Variants in SPIN1 observed in about 807,000 individuals in gnomAD.
SPIN1 encodes the protein spindlin 1, also known as spindlin-1.
Under a neutral mutation model 26.0 loss-of-function variants are expected in SPIN1, and 3 were observed. That is an observed-to-expected ratio of 0.12 (90% CI 0.05 to 0.30). The LOEUF is 0.30. Ranked by LOEUF, SPIN1 falls within the 10% of genes least tolerant of loss-of-function variation. The pLI is 1.00. For missense variants in SPIN1, 126 were observed against 333.4 expected, an observed-to-expected ratio of 0.38 and a Z score of 4.84; for synonymous variants, 101 against 116.5, an observed-to-expected ratio of 0.87 and a Z score of 0.86.
chr9:88,432,417 A>G (rs1033417333), intron 2 of SPIN1, among the ~76,000 whole-genome samples: 1 of 150,480 alleles, frequency 6.6e-6, no homozygotes, highest in African/African-American at 2.5e-5. Flanking sequence ...CGAACTCCTG[A>G]CCTCAGGTGA....
intron 3 of SPIN1, among the ~76,000 whole-genome samples, chr9:88,449,300 C>T (rs1036639633): frequency 6.6e-6 from 1 of 152,136 alleles, no homozygotes; most frequent in South Asian, 2.1e-4. Context: ...CCTTGGAATG[C>T]CTGTGTGAGC....
intron 2 of SPIN1, among the ~76,000 whole-genome samples, chr9:88,429,183 AT>A (rs1332000309): frequency 6.6e-6 from 1 of 152,116 alleles, no homozygotes; most frequent in African/African-American, 2.4e-5. Flanking sequence ...CTATTCTCTT[AT>A]GTAATTCAAT....
rs779957215 is a variant in SPIN1, at chr9:88,448,954, A to G, written c.66A>G (p.Val22=). Residue 22 remains valine, a synonymous_variant, in exon 3 of 6, where the codon GTA becomes GTG. Coordinates refer to ENST00000375859, the MANE Select transcript of SPIN1 (RefSeq NM_006717.3). ...RSRADAGHAG[V]SANMMKKRTS... ...TCTCTCTTACAGGCCATGCTGGAGTATCTGCCAACATGATGAAGAAGAGGA... is the reference window on the plus strand; with the variant it reads ...TCTCTCTTACAGGCCATGCTGGAGTGTCTGCCAACATGATGAAGAAGAGGA... 5.0e-6 allele frequency: 8 copies of G among 1,612,982 alleles called. No individual in the cohort carries two copies. The highest frequency in any genetic ancestry group is 2.2e-5 in the East Asian group (1 of 44,844).
rs568489941 is a variant in SPIN1, at chr9:88,460,288, C to T, written c.102-2208C>T. 5.9e-5 allele frequency among the ~76,000 whole-genome samples: 9 copies of T among 152,166 alleles called. No individual in the cohort carries two copies. In the South Asian group the frequency reaches 1.0e-3, roughly 18 times the overall value. On this transcript the variant is annotated intron_variant, in intron 3 of 5. Transcript: ENST00000375859. ...ATCATCCACTTTCCTCACATGCTCC[C>T]GTGGTGTCTGTTTCTTCTCATGTTC... is the stretch of plus-strand genomic sequence containing the variant.
At chr9:88,422,250 T>C (rs1050320271) in intron 1 of SPIN1, among the ~76,000 whole-genome samples, 4 of 152,206 alleles carry the variant, frequency 2.6e-5, no homozygotes, top group Admixed American at 1.3e-4. Context: ...TTTGACAATA[T>C]TTTCCGTAAC....
chr9:88,409,628 G>C (rs915555402), intron 1 of SPIN1, among the ~76,000 whole-genome samples: 1 of 151,800 alleles, frequency 6.6e-6, no homozygotes, highest in Non-Finnish European at 1.5e-5. Flanking sequence ...GAGGTCAGGA[G>C]ATGAAGACTG....
At chr9:88,441,423 G>A (rs931720151) in intron 2 of SPIN1, among the ~76,000 whole-genome samples, 5 of 149,290 alleles carry the variant, frequency 3.3e-5, no homozygotes, top group African/African-American at 7.6e-5. Flanking sequence ...GTGCGCGCGC[G>A]CGCGCCCATG....
At chr9:88,453,772 C>T (rs1205666487) in intron 3 of SPIN1, among the ~76,000 whole-genome samples, 2 of 152,162 alleles carry the variant, frequency 1.3e-5, no homozygotes, top group Non-Finnish European at 1.5e-5. Context: ...GTGATCCATC[C>T]GCCTTGGCCT....
At chr9:88,424,327 A>G (rs933473990) in intron 1 of SPIN1, among the ~76,000 whole-genome samples, 2 of 152,156 alleles carry the variant, frequency 1.3e-5, no homozygotes, top group African/African-American at 2.4e-5. Context: ...TGTTGAATGC[A>G]CACTTGAGAT....
intron 2 of SPIN1, among the ~76,000 whole-genome samples, chr9:88,428,665 G>C (rs1827806338): frequency 6.6e-6 from 1 of 152,094 alleles, no homozygotes; most frequent in Non-Finnish European, 1.5e-5. Flanking sequence ...TAAAGGGTGA[G>C]ATTGTTAATC....
At chr9:88,431,701 A>G (rs1441826322) in intron 2 of SPIN1, among the ~76,000 whole-genome samples, 1 of 152,116 alleles carries the variant, frequency 6.6e-6, no homozygotes, top group Admixed American at 6.6e-5. Context: ...TTTTATGATA[A>G]TGCCTGTTAG....
chr9:88,442,181 A>G (rs750088432), intron 2 of SPIN1, among the ~76,000 whole-genome samples: 40 of 151,996 alleles, frequency 2.6e-4, no homozygotes, highest in Non-Finnish European at 5.1e-4. Context: ...TGTTGGTGAC[A>G]AATTTCATCA....
rs558064394 is a variant in SPIN1 at position 88,421,961 on chromosome 9, A to G, written c.-158-4421A>G. Among the ~76,000 whole-genome samples the G allele has an allele frequency of 5.3e-5, 8 of 152,228 alleles. No homozygotes were observed. In the South Asian group the frequency reaches 1.7e-3, roughly 32 times the overall value. On this transcript the variant is annotated intron_variant, in intron 1 of 5. Transcript: ENST00000375859. ...TAAGTGATATAGTCTGCTTTGCGTCATATCACATTAAGAAGTGAATAAAGC... is the reference window on the plus strand; with the variant it reads ...TAAGTGATATAGTCTGCTTTGCGTCGTATCACATTAAGAAGTGAATAAAGC...
chr9:88,426,613 A>G (rs908555912), intron 2 of SPIN1, 22 bp downstream of exon 2: 5 of 1,587,768 alleles, frequency 3.1e-6, no homozygotes, highest in East Asian at 2.3e-5. Context: ...GGTTCTACAC[A>G]TATTTAAATA....
chr9:88,400,389 A>G (rs935487884), intron 1 of SPIN1, among the ~76,000 whole-genome samples: 1 of 152,232 alleles, frequency 6.6e-6, no homozygotes, highest in African/African-American at 2.4e-5. Context: ...ATGTGGGCTC[A>G]CTAAGCAGAG....
At chr9:88,398,912 T>C (rs1827126658) in intron 1 of SPIN1, among the ~76,000 whole-genome samples, 1 of 151,316 alleles carries the variant, frequency 6.6e-6, no homozygotes, top group South Asian at 2.1e-4. Flanking sequence ...CACATAAGGT[T>C]TAGAAAAATG....
intron 1 of SPIN1, among the ~76,000 whole-genome samples, chr9:88,408,358 T>TTGG (rs113977873): frequency 0.31 from 45,520 of 145,596 alleles, 13,843 homozygotes; most frequent in African/African-American, 0.8. Flanking sequence ...TTGTTTTGGT[T>TTGG]TTTCTTTTCC....
At chr9:88,446,028 G>C (rs1828244096) in intron 2 of SPIN1, among the ~76,000 whole-genome samples, 1 of 151,922 alleles carries the variant, frequency 6.6e-6, no homozygotes, top group African/African-American at 2.4e-5. Context: ...TATTCATGAT[G>C]TATCTTTCTG....
intron 1 of SPIN1, among the ~76,000 whole-genome samples, chr9:88,405,269 C>T (rs1827271741): frequency 6.6e-6 from 1 of 152,058 alleles, no homozygotes; most frequent in Non-Finnish European, 1.5e-5. Context: ...CGCTCTGTCT[C>T]CCAGGCTGGA....
Sources: gnomAD v4.1 joint callset for allele counts (sites outside exome capture counted in the v4.1 genomes callset) on GRCh38, gnomAD v4.1.1 for gene constraint, MANE v1.5 for transcripts, NCBI Gene and HGNC (gene_info 2026-07-23, HGNC 2026-07-21) for gene names.